The following DNMBP variants were observed in gnomAD, a reference collection of about 807,000 sequenced individuals.
The protein encoded by DNMBP is dynamin-binding protein.
In DNMBP, 87 loss-of-function variants were observed where a neutral mutation model predicts 150.0. The ratio of observed to expected loss-of-function variants is 0.58; its 90% CI spans 0.49 to 0.69. The LOEUF (loss-of-function observed/expected upper bound fraction) is 0.69, where lower values mean the gene tolerates loss of function less well. Among genes scored for constraint, DNMBP ranks in the 30% least tolerant of loss-of-function variants. DNMBP has a pLI of 0.00. For missense variants in DNMBP, 1,774 were observed against 1,949.0 expected, an observed-to-expected ratio of 0.91 and a Z score of 1.69; for synonymous variants, 711 against 750.4, an observed-to-expected ratio of 0.95 and a Z score of 0.86.
intron 1 of DNMBP, among the ~76,000 whole-genome samples, chr10:99,991,301 A>G (rs1189221634): frequency 6.6e-6 from 1 of 151,598 alleles, no homozygotes; most frequent in Non-Finnish European, 1.5e-5. Context: ...GTGGTCTCAA[A>G]CTCCTGACCT....
chr10:99,880,301 G>C lies in DNMBP; in HGVS notation c.4058C>G (p.Ser1353Cys), dbSNP rs766312999. Reference protein sequence around the residue: ...LKPYNPRRSHSDASVGSHSST... With the variant: ...LKPYNPRRSHCDASVGSHSST... ...GGAGTGGCTACCCACGGAGGCATCGGAGTGGCTGCGGCGAGGATTGTAGGG... is the reference window on the plus strand; with the variant it reads ...GGAGTGGCTACCCACGGAGGCATCGCAGTGGCTGCGGCGAGGATTGTAGGG... The change falls in exon 16 of 17, where the codon TCC (serine) becomes TGC (cysteine). Residue 1353 changes from serine to cysteine, a missense_variant. Around this residue, in one of 2 missense-constraint regions of DNMBP, gnomAD observed 1,430 missense variants for 1,492.5 expected, o/e 0.96. Transcript: ENST00000324109. The C allele has an allele frequency of 1.9e-6, 3 of 1,613,038 alleles. No individual in the cohort carries two copies. Among genetic ancestry groups the C allele is most frequent in the Non-Finnish European group, 1.7e-6 (2 of 1,179,770 alleles).
intron 4 of DNMBP, chr10:99,930,313 C>G (rs1304774380): frequency 1.4e-6 from 1 of 702,964 alleles, no homozygotes; most frequent in Non-Finnish European, 2.6e-6. Context: ...TTTTTAGAGT[C>G]CTCAGGATTA....
chr10:99,904,459 T>C (rs2039794718), intron 6 of DNMBP, among the ~76,000 whole-genome samples: 1 of 152,148 alleles, frequency 6.6e-6, no homozygotes, highest in African/African-American at 2.4e-5. Context: ...CCTTTGCCCG[T>C]GGCTCCATAA....
At chr10:99,959,234 C>T (rs1251311576) in intron 3 of DNMBP, among the ~76,000 whole-genome samples, 1 of 151,954 alleles carries the variant, frequency 6.6e-6, no homozygotes, top group Non-Finnish European at 1.5e-5. Context: ...TTTTAATAGA[C>T]TGATAAACAA....
rs765456059 is a variant in DNMBP, at chr10:99,886,642, C to T, written c.3286-10G>A. The T allele has an allele frequency of 4.5e-5, 73 of 1,605,058 alleles. No individual in the cohort carries two copies. The highest frequency in any genetic ancestry group is 3.4e-4 in the Middle Eastern group (2 of 5,968). On this transcript the variant is annotated splice_polypyrimidine_tract_variant and intron_variant, in intron 12 of 16. Coordinates refer to ENST00000324109, the MANE Select transcript of DNMBP (RefSeq NM_015221.4). ...GCTCTGTCCTCTCCTTCTGTAGGGA[C>T]GAGAAAGGCACATTGCTCAGCTGGA...
chr10:99,960,810 A>G (rs2040556318), intron 3 of DNMBP, among the ~76,000 whole-genome samples: 1 of 151,992 alleles, frequency 6.6e-6, no homozygotes, highest in East Asian at 1.9e-4. Context: ...CCATCTCAAC[A>G]ACAACAAAAA....
chr10:99,935,833 G>T (rs979255123), intron 4 of DNMBP, among the ~76,000 whole-genome samples: 2 of 152,178 alleles, frequency 1.3e-5, no homozygotes, highest in African/African-American at 4.8e-5. Context: ...CCGAAGTGCT[G>T]GGATTGCAGG....
At chr10:99,981,555 A>G (rs1418401654) in intron 1 of DNMBP, among the ~76,000 whole-genome samples, 2 of 152,198 alleles carry the variant, frequency 1.3e-5, no homozygotes, top group Non-Finnish European at 2.9e-5. Context: ...ATCACAAACT[A>G]TAAACTTTTA....
intron 1 of DNMBP, among the ~76,000 whole-genome samples, chr10:99,998,003 A>C (rs917892425): frequency 1.3e-5 from 2 of 148,596 alleles, no homozygotes; most frequent in African/African-American, 5.0e-5. Flanking sequence ...TGGGAGGCCA[A>C]GGTGGGCAGA....
chr10:99,988,901 A>G (rs2040856774), intron 1 of DNMBP, among the ~76,000 whole-genome samples: 1 of 152,078 alleles, frequency 6.6e-6, no homozygotes. Context: ...ATCTCAAGTG[A>G]TTTGTCTGCC....
At position 99,898,107 on chromosome 10, in the gene DNMBP, AT is replaced by A; in HGVS notation, c.2898del (p.Glu966AspfsTer27). The A allele has an allele frequency of 6.2e-7, 1 of 1,614,048 alleles. No homozygotes were observed. The highest frequency in any genetic ancestry group is 8.5e-7 in the Non-Finnish European group (1 of 1,179,974). On this transcript the variant is annotated frameshift_variant, in exon 9 of 17. Transcript: ENST00000324109. LOFTEE classifies it high-confidence loss of function. ...AVKEINVNIN[E>X]YKRRKDLVLK... ...TTACCCAGGTCCTTTCGCCGTTTAT[AT>A]TCATTAATGTTAACGTTGATTTCCT... is the stretch of plus-strand genomic sequence containing the variant.
intron 4 of DNMBP, among the ~76,000 whole-genome samples, chr10:99,914,537 C>T (rs2039939677): frequency 6.6e-6 from 1 of 152,152 alleles, no homozygotes; most frequent in African/African-American, 2.4e-5. Flanking sequence ...GGCAATGAAC[C>T]CTAAAGCCAT....
At chr10:99,928,838 TA>T (rs58787297) in intron 4 of DNMBP, among the ~76,000 whole-genome samples, 32 of 145,848 alleles carry the variant, frequency 2.2e-4, no homozygotes, top group East Asian at 7.9e-4. Context: ...AAAGGAGCGG[TA>T]AAAAAAAAAA....
At chr10:99,928,804 T>A (rs561120443) in intron 4 of DNMBP, among the ~76,000 whole-genome samples, 72 of 152,116 alleles carry the variant, frequency 4.7e-4, no homozygotes, top group Non-Finnish European at 8.8e-5. Flanking sequence ...CTGGGCACAC[T>A]GCCTATGGGG....
intron 1 of DNMBP, among the ~76,000 whole-genome samples, chr10:100,001,048 G>A (rs2041004992): frequency 1.3e-5 from 2 of 150,124 alleles, no homozygotes; most frequent in African/African-American, 2.4e-5. Flanking sequence ...TGGCCAACAT[G>A]GGGAAACTCC....
chr10:99,906,210 T>C (rs10883419), intron 6 of DNMBP, among the ~76,000 whole-genome samples: 68,195 of 151,916 alleles, frequency 0.45, 15,553 homozygotes, highest in African/African-American at 0.48. Flanking sequence ...TGTAAGCCAG[T>C]GTCATGACCC....
intron 11 of DNMBP, among the ~76,000 whole-genome samples, chr10:99,889,963 C>T (rs1014664256): frequency 2.0e-5 from 3 of 152,166 alleles, no homozygotes; most frequent in African/African-American, 7.2e-5. Context: ...AGACAACTGC[C>T]CTGCCATGCT....
intron 7 of DNMBP, among the ~76,000 whole-genome samples, chr10:99,899,090 G>C (rs1030454398): frequency 2.0e-5 from 3 of 152,142 alleles, no homozygotes; most frequent in Non-Finnish European, 4.4e-5. Flanking sequence ...CTACTGGGGG[G>C]CTGAGGCAGG....
At chr10:99,989,814 ACTG>A (rs1036062235) in intron 1 of DNMBP, among the ~76,000 whole-genome samples, 3 of 150,258 alleles carry the variant, frequency 2.0e-5, no homozygotes, top group Non-Finnish European at 4.4e-5. Flanking sequence ...CTTCTATTAA[ACTG>A]CTATGTACCC....
Sources: gnomAD v4.1 joint callset for allele counts (sites outside exome capture counted in the v4.1 genomes callset) on GRCh38, gnomAD v4.1.1 for gene constraint, gnomAD v4.1.1 regional missense constraint, MANE v1.5 for transcripts, NCBI Gene and HGNC (gene_info 2026-07-23, HGNC 2026-07-21) for gene names.